Variants in CNOT2 observed in about 807,000 individuals in gnomAD.
CNOT2 encodes the protein CC chemokine receptor 4-negative regulator of transcription 2.
CNOT2 carries 7 observed loss-of-function variants against 72.1 expected under a neutral mutation model. That is an observed-to-expected ratio of 0.10 (90% CI 0.06 to 0.18). The LOEUF (loss-of-function observed/expected upper bound fraction) is 0.18. CNOT2 is among the 10% of genes least tolerant of loss of function. CNOT2 has a pLI of 1.00. For missense variants in CNOT2, 345 were observed against 660.3 expected (o/e 0.52, Z 5.23); for synonymous variants, 196 against 225.6 (o/e 0.87, Z 1.17).
chr12:70,344,488 T>G (rs1881912457), intron 14 of CNOT2: 4 of 359,464 alleles, frequency 1.1e-5, no homozygotes, highest in Non-Finnish European at 2.0e-5. Context: ...AGCACTTTGG[T>G]GAGGTGGACA....
rs1447818574 is a variant in CNOT2, at chr12:70,354,044, A to G, written c.*129A>G. On this transcript the variant is annotated 3_prime_UTR_variant, in exon 16 of 16. Transcript: ENST00000229195. ...GTTTTAATTCCTTGAGGATCTGGCA[A>G]TTGGCTTACGCAAAAGGTCACCATT... The G allele has an allele frequency of 1.4e-6, 2 of 1,418,724 alleles. No individual in the cohort carries two copies. The highest frequency in any genetic ancestry group is 9.2e-7 in the Non-Finnish European group (1 of 1,084,098). The allele number at this position is 1,418,724 out of a possible 1,614,324, so 87.9% of individuals were successfully genotyped here.
intron 7 of CNOT2, chr12:70,335,204 G>A: frequency 2.9e-6 from 1 of 339,004 alleles, no homozygotes; most frequent in Non-Finnish European, 5.4e-6. Context: ...ACATCTCTAG[G>A]ATTTGGGGTT....
At chr12:70,276,548 C>T (rs1359600056) in intron 1 of CNOT2, among the ~76,000 whole-genome samples, 1 of 151,804 alleles carries the variant, frequency 6.6e-6, no homozygotes, top group Non-Finnish European at 1.5e-5. Context: ...AATAATCTTG[C>T]TTTCTTTTTG....
intron 1 of CNOT2, among the ~76,000 whole-genome samples, chr12:70,256,732 A>G (rs1277091506): frequency 6.6e-6 from 1 of 152,132 alleles, no homozygotes; most frequent in Non-Finnish European, 1.5e-5. Context: ...TTTCCTTTGC[A>G]TGCATGTGTT....
At chr12:70,344,043 C>T in intron 13 of CNOT2, 85 bp from the exon 14 acceptor site, 1 of 780,868 alleles carries the variant, frequency 1.3e-6, no homozygotes, top group East Asian at 2.6e-5. Flanking sequence ...GTTTATCTCT[C>T]CATTTTTTCT....
intron 11 of CNOT2, 97 bp downstream of exon 11, chr12:70,338,919 C>T: frequency 2.1e-6 from 2 of 957,318 alleles, no homozygotes; most frequent in South Asian, 3.2e-5. Flanking sequence ...TACTGCTACT[C>T]ATTGTTAACC....
At position 70,335,415 on chromosome 12, in the gene CNOT2, C is replaced by T. The variant is rs568763287; in HGVS notation, c.650-23C>T. 4 of 1,536,320 alleles carry T rather than the reference C, an allele frequency of 2.6e-6. 1 individual carries two copies. In the Admixed American group the frequency reaches 5.1e-5, roughly 20 times the overall value. ...AAAAAATATTTGTAGAATCAATAACCAGTGTCCTTTCTTATTATTTAGACG... is the reference window on the plus strand; with the variant it reads ...AAAAAATATTTGTAGAATCAATAACTAGTGTCCTTTCTTATTATTTAGACG... On this transcript the variant is annotated intron_variant, in intron 7 of 15. Coordinates refer to ENST00000229195, the MANE Select transcript of CNOT2 (RefSeq NM_014515.7).
intron 3 of CNOT2, among the ~76,000 whole-genome samples, chr12:70,315,849 C>T (rs931168008): frequency 5.3e-5 from 8 of 152,050 alleles, no homozygotes; most frequent in Non-Finnish European, 5.9e-5. Context: ...CTTATTTTAC[C>T]TGGAATTTGT....
At chr12:70,263,470 A>G (rs1958875039) in intron 1 of CNOT2, among the ~76,000 whole-genome samples, 1 of 152,094 alleles carries the variant, frequency 6.6e-6, no homozygotes. Flanking sequence ...TGGTTCAGAT[A>G]TGCTTTTGAG....
chr12:70,291,781 CA>C (rs1871948296), intron 2 of CNOT2, among the ~76,000 whole-genome samples: 1 of 151,876 alleles, frequency 6.6e-6, no homozygotes, highest in Admixed American at 6.6e-5. Flanking sequence ...ACTAAAAATA[CA>C]AAAAATTAGC....
chr12:70,266,786 T>C (rs1959066311), intron 1 of CNOT2, among the ~76,000 whole-genome samples: 2 of 151,800 alleles, frequency 1.3e-5, no homozygotes, highest in African/African-American at 4.8e-5. Context: ...TTGTTTACTT[T>C]TTGCATGGTA....
At chr12:70,264,777 G>A (rs144070881) in intron 1 of CNOT2, among the ~76,000 whole-genome samples, 1 of 152,264 alleles carries the variant, frequency 6.6e-6, no homozygotes, top group Non-Finnish European at 1.5e-5. Flanking sequence ...AGGGAAGAAA[G>A]GGGCAGTGTG....
At chr12:70,291,892 G>A (rs1187732150) in intron 2 of CNOT2, among the ~76,000 whole-genome samples, 3 of 152,158 alleles carry the variant, frequency 2.0e-5, no homozygotes, top group African/African-American at 7.2e-5. Context: ...AGCCGAGATC[G>A]TGCCACTGCA....
At chr12:70,312,635 A>G (rs550644968) in intron 3 of CNOT2, among the ~76,000 whole-genome samples, 91 of 152,072 alleles carry the variant, frequency 6.0e-4, no homozygotes, top group African/African-American at 1.7e-3. Flanking sequence ...ACCTTTTTTA[A>G]AAAAACATTA....
intron 2 of CNOT2, among the ~76,000 whole-genome samples, chr12:70,302,485 T>C (rs569474392): frequency 0.012 from 1,861 of 152,126 alleles, 10 homozygotes; most frequent in Non-Finnish European, 0.019. Flanking sequence ...CCAGTAGTCA[T>C]TCAGGAGCAG....
At chr12:70,295,806 A>T (rs1872716925) in intron 2 of CNOT2, among the ~76,000 whole-genome samples, 1 of 152,128 alleles carries the variant, frequency 6.6e-6, no homozygotes, top group Non-Finnish European at 1.5e-5. Context: ...AGGATGATGC[A>T]CTTAGCTTTT....
At chr12:70,244,470 C>A (rs1957777551) in intron 1 of CNOT2, 1 of 152,174 alleles carries the variant, frequency 6.6e-6, no homozygotes, top group South Asian at 2.1e-4. Context: ...TTGGAGTTTT[C>A]TTTTATACAA....
chr12:70,335,151 C>T (rs1039913371), intron 7 of CNOT2: 7 of 210,212 alleles, frequency 3.3e-5, no homozygotes, highest in African/African-American at 1.4e-4. Context: ...TTTTAGGTTA[C>T]CATCTTCCAT....
intron 2 of CNOT2, among the ~76,000 whole-genome samples, chr12:70,299,127 A>G (rs757618210): frequency 1.4e-4 from 21 of 152,114 alleles, no homozygotes; most frequent in Non-Finnish European, 2.9e-4. Flanking sequence ...GCAAATGAGG[A>G]GCAGTCACGT....
Sources: allele counts gnomAD v4.1 joint callset (sites outside exome capture counted in the v4.1 genomes callset), GRCh38; gene constraint gnomAD v4.1.1; transcripts MANE v1.5; gene names NCBI Gene and HGNC (gene_info 2026-07-23, HGNC 2026-07-21).